The following PCBD1 variants were observed in gnomAD, a reference collection of about 807,000 sequenced individuals.
The protein encoded by PCBD1 is pterin-4-alpha-carbinolamine dehydratase.
Under a neutral mutation model 12.6 loss-of-function variants are expected in PCBD1, and 16 were observed. That is an observed-to-expected ratio of 1.27 (90% confidence interval 0.86 to 1.93). The LOEUF (loss-of-function observed/expected upper bound fraction) is 1.93. Ranked by LOEUF, PCBD1 falls within the 30% of genes most tolerant of loss-of-function variation. PCBD1 has a pLI of 0.00. For synonymous variants in PCBD1, 53 were observed against 50.2 expected (o/e 1.05, Z -0.23); for missense variants, 86 against 130.1 (o/e 0.66, Z 1.65).
At position 70,888,530 on chromosome 10, in the gene PCBD1, C is replaced by G. The variant is rs1218193751; in HGVS notation, c.3+1G>C. On this transcript the variant is annotated splice_donor_variant, in intron 1 of 3. Coordinates refer to ENST00000299299, the MANE Select transcript of PCBD1 (RefSeq NM_000281.4). LOFTEE classifies it high-confidence loss of function. Reference sequence around the variant, plus strand: ...TCGCGGCCGCGCACCCCTGGACTCACCATGGCGCGGGCGGCAGCAGGTGGC... The same window carrying G: ...TCGCGGCCGCGCACCCCTGGACTCAGCATGGCGCGGGCGGCAGCAGGTGGC... 1.3e-5 allele frequency: 17 copies of G among 1,275,004 alleles called. No homozygotes were observed. Among genetic ancestry groups the G allele is most frequent in the Non-Finnish European group, 1.7e-5 (17 of 1,009,064 alleles). 79.0% of individuals were successfully genotyped at this position (1,275,004 alleles called of 1,614,324 possible).
intron 2 of PCBD1, 78 bp downstream of exon 2, chr10:70,885,720 G>A (rs939471541): frequency 2.7e-5 from 43 of 1,569,650 alleles, no homozygotes; most frequent in Admixed American, 2.0e-4. Context: ...CTAACAAGAC[G>A]TGAAGGGAGA....
chr10:70,883,422 G>A (rs1159864561), downstream of PCBD1: 1 of 623,654 alleles, frequency 1.6e-6, no homozygotes, highest in Non-Finnish European at 2.1e-6. Context: ...CAGAGGAAGT[G>A]CCTAGCACAG....
At chr10:70,887,318 C>G (rs942317889) in intron 1 of PCBD1, among the ~76,000 whole-genome samples, 2 of 152,150 alleles carry the variant, frequency 1.3e-5, no homozygotes, top group African/African-American at 4.8e-5. Context: ...TCTTTTTTCC[C>G]TGCTGTTTTC....
intron 1 of PCBD1, 99 bp from the exon 2 acceptor site, chr10:70,886,028 C>G: frequency 6.7e-7 from 1 of 1,493,686 alleles, no homozygotes; most frequent in Non-Finnish European, 9.1e-7. Context: ...CCACTGGCTG[C>G]TTTGGACGTG....
Position 70,883,602 on chromosome 10 carries a change from CTT to C in PCBD1, c.*346_*347del. The C allele has an allele frequency of 8.4e-7, 1 of 1,196,326 alleles. No homozygotes were observed. Among genetic ancestry groups the C allele is most frequent in the Non-Finnish European group, 1.1e-6 (1 of 950,238 alleles). 74.1% of individuals were successfully genotyped at this position (1,196,326 alleles called of 1,614,324 possible). A position where few individuals can be genotyped will look rare whatever the true frequency, so the allele number is the denominator to read the frequency against. Reference sequence around the variant, plus strand: ...TAGGGTCCTGGTTTCTAAGACAAGACTTTATTTCACCCTGTATCACAGCTTCC... The same window carrying C: ...TAGGGTCCTGGTTTCTAAGACAAGACTATTTCACCCTGTATCACAGCTTCC... On this transcript the variant is annotated 3_prime_UTR_variant, in exon 4 of 4. Transcript: ENST00000299299.
At chr10:70,886,598 C>T (rs1241331683) in intron 1 of PCBD1, among the ~76,000 whole-genome samples, 1 of 152,264 alleles carries the variant, frequency 6.6e-6, no homozygotes, top group East Asian at 1.9e-4. Flanking sequence ...AGCCACACTG[C>T]AGCTGACCGC....
chr10:70,886,303 A>G (rs1482956443), intron 1 of PCBD1, among the ~76,000 whole-genome samples: 1 of 152,226 alleles, frequency 6.6e-6, no homozygotes, highest in Non-Finnish European at 1.5e-5. Context: ...GTAAAAGCAA[A>G]ATAAATCCCA....
downstream of PCBD1, among the ~76,000 whole-genome samples, chr10:70,882,825 T>C (rs539798169): frequency 1.3e-5 from 2 of 152,330 alleles, no homozygotes; most frequent in East Asian, 3.9e-4. Context: ...ATAGGTTGAG[T>C]ATCCCTTATC....
intron 3 of PCBD1, 66 bp downstream of exon 3, chr10:70,885,086 A>C: frequency 7.6e-7 from 1 of 1,313,106 alleles, no homozygotes; most frequent in East Asian, 2.3e-5. Context: ...AAGCCTTCAG[A>C]ATGTGTCAGA....
chr10:70,885,754 C>T (rs2131968042), intron 2 of PCBD1, 44 bp downstream of exon 2: 1 of 1,611,812 alleles, frequency 6.2e-7, no homozygotes, highest in Non-Finnish European at 8.5e-7. Flanking sequence ...AAGGTGACCC[C>T]ATCAGCCCGT....
chr10:70,883,827 C>A lies in PCBD1; in HGVS notation c.*123G>T. 1 of 1,536,254 alleles carries A rather than the reference C, an allele frequency of 6.5e-7. No individual in the cohort carries two copies. Among genetic ancestry groups the A allele is most frequent in the South Asian group, 1.2e-5 (1 of 83,282 alleles). ...CATCCCACAGCAAGGACTCAGCCCT[C>A]AACGGCGGCGGCTGGGTCTTGGGAG... On this transcript the variant is annotated 3_prime_UTR_variant, in exon 4 of 4. Coordinates refer to ENST00000299299, the MANE Select transcript of PCBD1 (RefSeq NM_000281.4).
chr10:70,883,340 A>G (rs1051158689), downstream of PCBD1, among the ~76,000 whole-genome samples: 1 of 152,228 alleles, frequency 6.6e-6, no homozygotes, highest in South Asian at 2.1e-4. Context: ...TGATAATCAA[A>G]TGGTATCCCC....
chr10:70,884,234 A>C (rs1254526834), intron 3 of PCBD1, among the ~76,000 whole-genome samples, 186 bp from the exon 4 acceptor site: 4 of 152,214 alleles, frequency 2.6e-5, no homozygotes, highest in Non-Finnish European at 1.5e-5. Context: ...CTGTCTCTCA[A>C]AAATAATCAT....
chr10:70,885,992 C>T (rs1263545513), intron 1 of PCBD1, 63 bp from the exon 2 acceptor site: 2 of 1,592,794 alleles, frequency 1.3e-6, no homozygotes, highest in Admixed American at 1.7e-5. Context: ...AACAGAGGGG[C>T]TCCAACCTTT....
rs573430589 is a variant in PCBD1 at position 70,888,560 on chromosome 10, G to C, written c.-27C>G. On this transcript the variant is annotated 5_prime_UTR_variant, in exon 1 of 4. Transcript: ENST00000299299. ...GCGCGGGCGGCAGCAGGTGGCCAGC[G>C]GAGAGGGCAGGCGGCGGCCGGGCGC... 2.9e-5 allele frequency: 36 copies of C among 1,225,324 alleles called. 1 individual carries two copies. In the South Asian group the frequency reaches 1.2e-3, roughly 40 times the overall value. The allele number at this position is 1,225,324 out of a possible 1,614,324, so 75.9% of individuals were successfully genotyped here.
rs767434795 is a variant in PCBD1 at position 70,885,252 on chromosome 10, G to A, written c.136-20C>T. 1.9e-6 allele frequency: 3 copies of A among 1,599,308 alleles called. No individual in the cohort carries two copies. The highest frequency in any genetic ancestry group is 2.6e-6 in the Non-Finnish European group (3 of 1,166,536). ...AAAGGCCTATTTAAGTGGAGTGAGA[G>A]CCAGGTTAGTGTTCTAAGAGAAAGG... On this transcript the variant is annotated intron_variant, in intron 2 of 3. Coordinates refer to ENST00000299299, the MANE Select transcript of PCBD1 (RefSeq NM_000281.4).
In PCBD1 at chr10:70,883,864, G is replaced by T; in HGVS notation, c.*86C>A. 6.4e-7 allele frequency: 1 copy of T among 1,552,172 alleles called. No homozygotes were observed. ...CTGGGTCTTGGGAGGGGAGTGGTGG[G>T]AGGGTAAGGGCTCCTCAGCTCCCTC... On this transcript the variant is annotated 3_prime_UTR_variant, in exon 4 of 4. Coordinates refer to ENST00000299299, the MANE Select transcript of PCBD1 (RefSeq NM_000281.4).
At chr10:70,882,784 T>TAACA (rs934557564), downstream of PCBD1, among the ~76,000 whole-genome samples, 1 of 152,218 alleles carries the variant, frequency 6.6e-6, no homozygotes, top group Non-Finnish European at 1.5e-5. Flanking sequence ...AGTTGACACC[T>TAACA]AACATTAGCC....
At chr10:70,884,594 G>T (rs1846553644) in intron 3 of PCBD1, among the ~76,000 whole-genome samples, 1 of 145,032 alleles carries the variant, frequency 6.9e-6, no homozygotes, top group South Asian at 2.2e-4. Flanking sequence ...CCATTCTCCT[G>T]CCTCAGCCTC....
Sources: allele counts gnomAD v4.1 joint callset (sites outside exome capture counted in the v4.1 genomes callset), GRCh38; gene constraint gnomAD v4.1.1; transcripts MANE v1.5; gene names NCBI Gene and HGNC (gene_info 2026-07-23, HGNC 2026-07-21).